Variants in ARHGAP29 observed in about 807,000 individuals in gnomAD.
ARHGAP29 encodes rho GTPase-activating protein 29.
ARHGAP29 carries 43 observed loss-of-function variants against 122.6 expected under a neutral mutation model. The observed-to-expected ratio is 0.35, with a 90% CI of 0.27 to 0.45. The LOEUF (loss-of-function observed/expected upper bound fraction) is 0.45. ARHGAP29 is among the 20% of genes least tolerant of loss of function. The probability of loss-of-function intolerance (pLI) is 1.00; values close to 1 mark genes in which losing one functional copy is unlikely to be tolerated. For missense variants in ARHGAP29, 1,303 were observed against 1,477.2 expected, an observed-to-expected ratio of 0.88 and a Z score of 1.93; for synonymous variants, 506 against 497.1, an observed-to-expected ratio of 1.02 and a Z score of -0.24.
At chr1:94,267,513 G>C (rs1241808779) in intron 1 of ARHGAP29, among the ~76,000 whole-genome samples, 7 of 152,128 alleles carry the variant, frequency 4.6e-5, no homozygotes, top group African/African-American at 1.7e-4. Flanking sequence ...CAGGAAAAAG[G>C]CTTAACACTG....
chr1:94,202,388 ATGT>A, intron 11 of ARHGAP29, 153 bp downstream of exon 11: 1 of 821,578 alleles, frequency 1.2e-6, no homozygotes, highest in Non-Finnish European at 1.9e-6. Flanking sequence ...CTATTAAAAA[ATGT>A]TGACCTACTG....
At chr1:94,290,965 C>T in the ARHGAP29 span, among the ~76,000 whole-genome samples, 16 of 152,260 alleles carry the variant, frequency 1.1e-4, no homozygotes, top group South Asian at 2.5e-3. Context: ...GAGTTCAATT[C>T]CTGGATATCC....
intron 3 of ARHGAP29, among the ~76,000 whole-genome samples, chr1:94,212,478 TATA>T (rs1651698149): frequency 6.6e-6 from 1 of 152,178 alleles, no homozygotes. Context: ...TAATTTATAA[TATA>T]ATACCATCAA....
chr1:94,282,909 C>G, the ARHGAP29 span, among the ~76,000 whole-genome samples: 4 of 152,214 alleles, frequency 2.6e-5, no homozygotes, highest in African/African-American at 9.6e-5. Flanking sequence ...TAACTCAAGT[C>G]TAGTTCAAAT....
Position 94,201,868 on chromosome 1 carries a change from A to G in ARHGAP29, c.1144-11T>C. ...ATTTGCTTCTTCTACCTTCACAAAT[A>G]TCACAGAAAAAAAAATAACACTAGA... On this transcript the variant is annotated splice_polypyrimidine_tract_variant and intron_variant, in intron 11 of 22. Transcript: ENST00000260526. 1.4e-6 allele frequency: 2 copies of G among 1,442,122 alleles called. No individual in the cohort carries two copies. Among genetic ancestry groups the G allele is most frequent in the East Asian group, 5.1e-5 (2 of 39,202 alleles). 89.3% of individuals were successfully genotyped at this position (1,442,122 alleles called of 1,614,324 possible).
At chr1:94,188,788 G>GAC in intron 15 of ARHGAP29, 49 bp downstream of exon 15, 1 of 1,438,538 alleles carries the variant, frequency 7.0e-7, no homozygotes, top group Non-Finnish European at 9.7e-7. Flanking sequence ...CCTAAAAAAG[G>GAC]ACTGATCTTT....
rs1278240006 is a variant in ARHGAP29 at position 94,185,040 on chromosome 1, T to C, written c.1941A>G (p.Arg647=). 6.2e-7 allele frequency: 1 copy of C among 1,611,592 alleles called. No individual in the cohort carries two copies. The highest frequency in any genetic ancestry group is 8.5e-7 in the Non-Finnish European group (1 of 1,179,246). ...ECEECLLVCH[R]KCLENLVIIC... is the part of the protein sequence containing the mutation. ...TAATGACTAAATTTTCCAAACACTT[T>C]CGATGACAAACAAGGAGACACTACA... Residue 647 remains arginine (R), a synonymous_variant, in exon 18 of 23, where the codon CGA becomes CGG. Coordinates refer to ENST00000260526, the MANE Select transcript of ARHGAP29 (RefSeq NM_004815.4).
chr1:94,222,495 T>C (rs7554714), intron 2 of ARHGAP29, among the ~76,000 whole-genome samples: 134,497 of 152,154 alleles, frequency 0.88, 59,660 homozygotes, highest in Non-Finnish European at 0.92. Context: ...ATCCCATAAC[T>C]CCGGTCTAAT....
chr1:94,213,433 C>T (rs567443087), intron 3 of ARHGAP29, among the ~76,000 whole-genome samples: 10 of 152,286 alleles, frequency 6.6e-5, no homozygotes, highest in Admixed American at 1.3e-4. Context: ...CTGCCCGCCT[C>T]GGCCTGCCAA....
intron 1 of ARHGAP29, among the ~76,000 whole-genome samples, chr1:94,273,921 G>A (rs1343434190): frequency 6.6e-6 from 1 of 151,746 alleles, no homozygotes; most frequent in Admixed American, 6.6e-5. Context: ...AGACAAGAAA[G>A]AATGTAGGCA....
chr1:94,286,461 A>C, the ARHGAP29 span, among the ~76,000 whole-genome samples: 1 of 152,166 alleles, frequency 6.6e-6, no homozygotes, highest in Non-Finnish European at 1.5e-5. Flanking sequence ...TGAGACCAGG[A>C]GTTCAAGACC....
At chr1:94,192,852 A>AGGTC (rs986634396) in intron 12 of ARHGAP29, 1 of 152,188 alleles carries the variant, frequency 6.6e-6, no homozygotes, top group African/African-American at 2.4e-5. Context: ...GGTTATAAAC[A>AGGTC]GGACCCAGAG....
At chr1:94,279,278 T>G (rs6691780), upstream of ARHGAP29, among the ~76,000 whole-genome samples, 414 of 152,290 alleles carry the variant, frequency 2.7e-3, 2 homozygotes, top group African/African-American at 9.7e-3. Flanking sequence ...GAAGCAATAC[T>G]TTACTTGCTG....
chr1:94,197,105 T>TAA, intron 12 of ARHGAP29, among the ~76,000 whole-genome samples: 1 of 152,172 alleles, frequency 6.6e-6, no homozygotes, highest in South Asian at 2.1e-4. Flanking sequence ...ATAAGACTTA[T>TAA]AAACCTCTTG....
chr1:94,288,112 AAC>A, the ARHGAP29 span, among the ~76,000 whole-genome samples: 6 of 152,204 alleles, frequency 3.9e-5, no homozygotes, highest in African/African-American at 1.4e-4. Context: ...CACTCCCACC[AAC>A]AGTGTAAAAG....
chr1:94,300,734 G>A, the ARHGAP29 span, among the ~76,000 whole-genome samples: 1 of 152,096 alleles, frequency 6.6e-6, no homozygotes, highest in Admixed American at 6.6e-5. Flanking sequence ...TTAGCACCTG[G>A]CATAATACCT....
intron 12 of ARHGAP29, among the ~76,000 whole-genome samples, chr1:94,200,496 T>C (rs1057426559): frequency 6.6e-6 from 1 of 152,156 alleles, no homozygotes; most frequent in Non-Finnish European, 1.5e-5. Context: ...CAGTTTCTTA[T>C]AAAGGTAACT....
chr1:94,213,471 C>T (rs961296208), intron 3 of ARHGAP29, among the ~76,000 whole-genome samples: 18 of 152,168 alleles, frequency 1.2e-4, no homozygotes, highest in Admixed American at 5.9e-4. Flanking sequence ...CGTGAGCCAC[C>T]GCACCCGGCC....
At chr1:94,208,778 G>T in intron 5 of ARHGAP29, 54 bp downstream of exon 5, 1 of 1,560,792 alleles carries the variant, frequency 6.4e-7, no homozygotes, top group Non-Finnish European at 8.8e-7. Flanking sequence ...GGCAATAGTT[G>T]AAACATGAAG....
Sources: gnomAD v4.1 joint callset for allele counts (sites outside exome capture counted in the v4.1 genomes callset) on GRCh38, gnomAD v4.1.1 for gene constraint, MANE v1.5 for transcripts, NCBI Gene and HGNC (gene_info 2026-07-23, HGNC 2026-07-21) for gene names.